The following ADAMTS3 variants were observed in gnomAD, a reference collection of about 807,000 sequenced individuals.
The protein encoded by ADAMTS3 is ADAM metallopeptidase with thrombospondin type 1 motif 3.
Under a neutral mutation model 129.0 loss-of-function variants are expected in ADAMTS3, and 73 were observed. The observed-to-expected ratio is 0.57, with a 90% confidence interval of 0.47 to 0.69. ADAMTS3 has a LOEUF of 0.69. Ranked by LOEUF, ADAMTS3 falls within the 30% of genes least tolerant of loss-of-function variation. The probability of loss-of-function intolerance (pLI) is 0.00; values close to 1 mark genes in which losing one functional copy is unlikely to be tolerated. For synonymous variants in ADAMTS3, 477 were observed against 510.8 expected (o/e 0.93, Z 0.89); for missense variants, 1,457 against 1,514.5 (o/e 0.96, Z 0.63).
chr4:72,524,743 A>G (rs1210885768), intron 3 of ADAMTS3, among the ~76,000 whole-genome samples: 2 of 152,146 alleles, frequency 1.3e-5, no homozygotes, highest in Non-Finnish European at 2.9e-5. Context: ...TTTCTAAAGT[A>G]TATAACTGGC....
chr4:72,349,899 T>TAATAG (rs1316797236), intron 4 of ADAMTS3, among the ~76,000 whole-genome samples: 2 of 152,034 alleles, frequency 1.3e-5, no homozygotes, highest in Non-Finnish European at 2.9e-5. Flanking sequence ...CTTATTTGAA[T>TAATAG]AATACTGATC....
intron 3 of ADAMTS3, among the ~76,000 whole-genome samples, chr4:72,523,663 A>C (rs549659356): frequency 3.3e-5 from 5 of 152,164 alleles, no homozygotes; most frequent in African/African-American, 1.2e-4. Context: ...TAATTCAAAA[A>C]ATTAGTGAAC....
At chr4:72,291,586 T>A (rs898062967) in intron 19 of ADAMTS3, among the ~76,000 whole-genome samples, 4 of 151,894 alleles carry the variant, frequency 2.6e-5, no homozygotes, top group Non-Finnish European at 1.5e-5. Flanking sequence ...GAACTCATCC[T>A]TTTTTATGGC....
chr4:72,526,605 T>TGTGTGG (rs1553920784), intron 3 of ADAMTS3, among the ~76,000 whole-genome samples: 1 of 146,118 alleles, frequency 6.8e-6, no homozygotes, highest in Non-Finnish European at 1.5e-5. Flanking sequence ...TGTGTGTGTG[T>TGTGTGG]AGAGTCCATG....
At chr4:72,365,013 T>C (rs1455608443) in intron 4 of ADAMTS3, among the ~76,000 whole-genome samples, 1 of 152,248 alleles carries the variant, frequency 6.6e-6, no homozygotes, top group African/African-American at 2.4e-5. Context: ...GACTTGACCA[T>C]GTTTCATTCC....
chr4:72,401,396 G>A (rs1169597437), intron 4 of ADAMTS3, among the ~76,000 whole-genome samples: 2 of 151,204 alleles, frequency 1.3e-5, no homozygotes, highest in Admixed American at 6.6e-5. Context: ...GTGAAACCCC[G>A]TCTCTACTAA....
intron 4 of ADAMTS3, among the ~76,000 whole-genome samples, chr4:72,365,651 T>A (rs1017079125): frequency 3.3e-5 from 5 of 152,138 alleles, no homozygotes; most frequent in Admixed American, 1.3e-4. Flanking sequence ...TAGTAAAGTA[T>A]CCGGAACATA....
At chr4:72,514,571 C>G (rs1435934345) in intron 3 of ADAMTS3, among the ~76,000 whole-genome samples, 2 of 152,150 alleles carry the variant, frequency 1.3e-5, no homozygotes, top group African/African-American at 4.8e-5. Flanking sequence ...CTCAGCCCAT[C>G]TACCAGCTTT....
At chr4:72,436,586 G>A (rs1717932685) in intron 3 of ADAMTS3, among the ~76,000 whole-genome samples, 1 of 152,116 alleles carries the variant, frequency 6.6e-6, no homozygotes, top group Non-Finnish European at 1.5e-5. Context: ...ATTCACAATA[G>A]CAAAGACTTG....
intron 3 of ADAMTS3, among the ~76,000 whole-genome samples, chr4:72,466,042 T>G (rs761555800): frequency 6.6e-6 from 1 of 152,066 alleles, no homozygotes; most frequent in Non-Finnish European, 1.5e-5. Flanking sequence ...ATTAGCAGCA[T>G]GAGAACTGAC....
chr4:72,550,022 GAA>G, intron 2 of ADAMTS3, among the ~76,000 whole-genome samples: 1 of 1,780 alleles, frequency 5.6e-4, no homozygotes, highest in African/African-American at 1.4e-3. Flanking sequence ...AGAAGAAGAA[GAA>G]GAAGAAGAAG....
chr4:72,409,461 C>G (rs779576226), intron 4 of ADAMTS3, among the ~76,000 whole-genome samples: 8 of 152,164 alleles, frequency 5.3e-5, no homozygotes, highest in Admixed American at 1.3e-4. Flanking sequence ...TAAAACCTCC[C>G]AGTTCTCTTT....
intron 3 of ADAMTS3, among the ~76,000 whole-genome samples, chr4:72,478,683 T>A (rs1719319968): frequency 6.6e-6 from 1 of 151,088 alleles, no homozygotes; most frequent in Admixed American, 6.6e-5. Flanking sequence ...GTGTTGGAAG[T>A]TCTGGCCAGG....
intron 4 of ADAMTS3, among the ~76,000 whole-genome samples, chr4:72,363,731 A>G (rs1170358195): frequency 6.6e-6 from 1 of 152,054 alleles, no homozygotes; most frequent in Non-Finnish European, 1.5e-5. Context: ...GCCTCATACC[A>G]AACGTTATAA....
Position 72,313,810 on chromosome 4 carries a change from C to T in ADAMTS3, c.1612G>A (p.Gly538Ser), listed in dbSNP as rs773799407. The change falls in exon 12 of 22, where the codon GGT becomes AGT. Residue 538 changes from glycine (G) to serine (S), a missense_variant. By Grantham distance (56) the Gly-to-Ser change is moderately conservative. Transcript: ENST00000286657. ...ECAAGKWCYK[G>S]HCMWKNANQQ... ...TTAGCATTCTTCCACATGCAATGAC[C>T]CTTATAGCACCACTTAGAAAAATGA... 1.2e-6 allele frequency: 2 copies of T among 1,613,600 alleles called. No homozygotes were observed. The highest frequency in any genetic ancestry group is 1.1e-5 in the South Asian group (1 of 91,050).
chr4:72,552,025 G>A (rs1721658509), intron 2 of ADAMTS3, among the ~76,000 whole-genome samples: 2 of 152,162 alleles, frequency 1.3e-5, no homozygotes, highest in Admixed American at 1.3e-4. Flanking sequence ...GGAAGGAGGG[G>A]CAGAAGCTCA....
intron 1 of ADAMTS3, 98 bp downstream of exon 1, chr4:72,568,596 G>A: frequency 1.1e-6 from 1 of 888,946 alleles, no homozygotes. Flanking sequence ...GGAAGGGTGG[G>A]AGGAGAAGGA....
intron 4 of ADAMTS3, among the ~76,000 whole-genome samples, chr4:72,401,773 G>C (rs1350830356): frequency 6.6e-6 from 1 of 151,874 alleles, no homozygotes; most frequent in Non-Finnish European, 1.5e-5. Context: ...AGAAACTAAA[G>C]CTAATTGCTT....
intron 3 of ADAMTS3, among the ~76,000 whole-genome samples, chr4:72,530,587 T>TTA (rs1184933754): frequency 4.5e-4 from 17 of 38,078 alleles, no homozygotes; most frequent in East Asian, 1.2e-3. Context: ...ATATATTAAA[T>TTA]ATATATTAAT....
Sources: gnomAD v4.1 joint callset for allele counts (sites outside exome capture counted in the v4.1 genomes callset) on GRCh38, gnomAD v4.1.1 for gene constraint, MANE v1.5 for transcripts, NCBI Gene and HGNC (gene_info 2026-07-23, HGNC 2026-07-21) for gene names.